The following SLC31A1 variants were observed in gnomAD, a reference collection of about 807,000 sequenced individuals.
The protein encoded by SLC31A1 is high affinity copper uptake protein 1.
In SLC31A1, 5 loss-of-function variants were observed where a neutral mutation model predicts 17.2. That is an observed-to-expected ratio of 0.29 (90% CI 0.15 to 0.61). The LOEUF (loss-of-function observed/expected upper bound fraction) is 0.61, where lower values mean the gene tolerates loss of function less well. Ranked by LOEUF, SLC31A1 falls within the 20% of genes least tolerant of loss-of-function variation. SLC31A1 has a pLI of 0.86. For synonymous variants in SLC31A1, 76 were observed against 78.8 expected, an observed-to-expected ratio of 0.96 and a Z score of 0.19; for missense variants, 161 against 241.4, an observed-to-expected ratio of 0.67 and a Z score of 2.21.
chr9:113,234,117 GT>G (rs1831428528), intron 1 of SLC31A1, among the ~76,000 whole-genome samples: 1 of 151,986 alleles, frequency 6.6e-6, no homozygotes, highest in Non-Finnish European at 1.5e-5. Flanking sequence ...TCTGGTGACT[GT>G]TCTACTCTCT....
intron 1 of SLC31A1, among the ~76,000 whole-genome samples, chr9:113,236,864 G>A (rs1831466031): frequency 6.6e-6 from 1 of 152,174 alleles, no homozygotes; most frequent in African/African-American, 2.4e-5. Flanking sequence ...GTGGGCTTCA[G>A]CCCACCAATT....
At chr9:113,253,040 G>A (rs1327591512) in intron 1 of SLC31A1, among the ~76,000 whole-genome samples, 3 of 142,176 alleles carry the variant, frequency 2.1e-5, no homozygotes, top group Non-Finnish European at 4.5e-5. Context: ...TGCAAGCTCC[G>A]CCTCCCGGGT....
Position 113,258,750 on chromosome 9 carries a change from A to C in SLC31A1, c.259A>C (p.Lys87Gln). 6.2e-7 allele frequency: 1 copy of C among 1,614,232 alleles called. No individual in the cohort carries two copies. The highest frequency in any genetic ancestry group is 2.2e-5 in the East Asian group (1 of 44,892). ...FLLAMFYEGL[K>Q]IARESLLRKS... Reference sequence around the variant, plus strand: ...ACTAGCAATGTTCTATGAAGGACTCAAGATAGCCCGAGAGAGCCTGCTGCG... The same window carrying C: ...ACTAGCAATGTTCTATGAAGGACTCCAGATAGCCCGAGAGAGCCTGCTGCG... Residue 87 changes from lysine (K) to glutamine (Q), a missense_variant, in exon 4 of 5, where the codon AAG becomes CAG. Coordinates refer to ENST00000374212, the MANE Select transcript of SLC31A1 (RefSeq NM_001859.4). The surrounding 1 kb of genome is among the most constrained non-coding windows in gnomAD (Gnocchi z 4.8).
chr9:113,229,372 C>CT (rs764637569), intron 1 of SLC31A1, among the ~76,000 whole-genome samples: 3 of 152,246 alleles, frequency 2.0e-5, no homozygotes, highest in South Asian at 4.1e-4. Context: ...TGAACATACT[C>CT]TGTTTCCTTT....
At chr9:113,230,417 C>T (rs777593972) in intron 1 of SLC31A1, among the ~76,000 whole-genome samples, 1 of 152,138 alleles carries the variant, frequency 6.6e-6, no homozygotes, top group Non-Finnish European at 1.5e-5. Flanking sequence ...ATCTCCACGC[C>T]TGGCTACTTT....
At chr9:113,256,475 AT>A in intron 2 of SLC31A1, 198 bp downstream of exon 2, 3 of 509,320 alleles carry the variant, frequency 5.9e-6, no homozygotes, top group Non-Finnish European at 3.4e-6. Flanking sequence ...CAGAACCAAG[AT>A]TTTAGGCTTC....
In SLC31A1 at chr9:113,257,120, C is replaced by G; in HGVS notation, c.137C>G (p.Thr46Ser). ...GTTTTGGTTTTCTGGCAGCCTATGA[C>G]CTTCTACTTTGGCTTTAAGAATGTG... ...GDSSMMMMPM[T>S]FYFGFKNVEL... is the part of the protein sequence containing the mutation. The change falls in exon 3 of 5, where the codon ACC (threonine) becomes AGC (serine). Residue 46 changes from threonine (T) to serine (S), a missense_variant. Thr to Ser is a moderately conservative substitution (Grantham distance 58). Coordinates refer to ENST00000374212, the MANE Select transcript of SLC31A1 (RefSeq NM_001859.4). The G allele has an allele frequency of 1.9e-6, 3 of 1,613,776 alleles. No individual in the cohort carries two copies. The South Asian group carries it at 3.3e-5, about 18-fold the overall frequency.
At chr9:113,257,286 T>C (rs1831738910) in intron 3 of SLC31A1, 101 bp downstream of exon 3, 1 of 994,562 alleles carries the variant, frequency 1.0e-6, no homozygotes, top group Non-Finnish European at 1.6e-6. Flanking sequence ...AATTACTAAG[T>C]CAACATGGTA....
chr9:113,250,568 A>G (rs1208226565), intron 1 of SLC31A1, among the ~76,000 whole-genome samples: 1 of 150,214 alleles, frequency 6.7e-6, no homozygotes, highest in Admixed American at 6.7e-5. Context: ...TGGGAGATAT[A>G]CCTAATGCTA....
In SLC31A1 at chr9:113,262,363, G is replaced by C. The variant is rs1230739382; in HGVS notation, c.*1890G>C. On this transcript the variant is annotated 3_prime_UTR_variant, in exon 5 of 5. Transcript: ENST00000374212. Reference sequence around the variant, plus strand: ...AGTCTACACTGCAGTCTTATTCCTGGTTCAAACTACCTCTTTAAATTGATT... The same window carrying C: ...AGTCTACACTGCAGTCTTATTCCTGCTTCAAACTACCTCTTTAAATTGATT... 1.3e-5 allele frequency: 2 copies of C among 152,616 alleles called. No homozygotes were observed. Among genetic ancestry groups the C allele is most frequent in the Non-Finnish European group, 2.9e-5 (2 of 68,042 alleles). 9.5% of individuals were successfully genotyped at this position (152,616 alleles called of 1,614,324 possible).
rs531641341 is a variant in SLC31A1 at position 113,239,740 on chromosome 9, C to T, written c.-35-16374C>T. 1.7e-3 allele frequency among the ~76,000 whole-genome samples: 256 copies of T among 152,322 alleles called. 1 individual carries two copies. Among genetic ancestry groups the T allele is most frequent in the African/African-American group, 5.5e-3 (229 of 41,580 alleles). On this transcript the variant is annotated intron_variant, in intron 1 of 4. Transcript: ENST00000374212. Reference sequence around the variant, plus strand: ...CTGGGAGTACAGGCATGCGCCACCACGCCCAGCTAACTTTTGTATTTTTAG... The same window carrying T: ...CTGGGAGTACAGGCATGCGCCACCATGCCCAGCTAACTTTTGTATTTTTAG...
chr9:113,252,954 C>CTTTTTTT (rs369221979), intron 1 of SLC31A1, among the ~76,000 whole-genome samples: 4 of 105,506 alleles, frequency 3.8e-5, no homozygotes, highest in African/African-American at 4.0e-5. Context: ...TTCTTTTTTT[C>CTTTTTTT]TTTTTTTTTT....
chr9:113,251,754 A>T (rs1439678024), intron 1 of SLC31A1, among the ~76,000 whole-genome samples: 1 of 152,354 alleles, frequency 6.6e-6, no homozygotes, highest in African/African-American at 2.4e-5. Flanking sequence ...TGTAAGTTTT[A>T]ACTTTTTTGA....
chr9:113,235,583 A>C (rs1831448583), intron 1 of SLC31A1, among the ~76,000 whole-genome samples: 1 of 152,220 alleles, frequency 6.6e-6, no homozygotes, highest in Non-Finnish European at 1.5e-5. Flanking sequence ...CATTTATATA[A>C]ATTTCAAAAT....
intron 1 of SLC31A1, among the ~76,000 whole-genome samples, chr9:113,238,319 A>T (rs1481208415): frequency 6.6e-6 from 1 of 152,220 alleles, no homozygotes; most frequent in African/African-American, 2.4e-5. Flanking sequence ...ACAAAGAATT[A>T]TCCAGTCCAA....
chr9:113,244,175 A>G (rs1318571750), intron 1 of SLC31A1, among the ~76,000 whole-genome samples: 1 of 151,476 alleles, frequency 6.6e-6, no homozygotes, highest in Non-Finnish European at 1.5e-5. Context: ...AAAAAAAAAA[A>G]AAAAGGCTAT....
rs534531129 is a variant in SLC31A1, at chr9:113,254,857, C to G, written c.-35-1257C>G. ...GAGGTTGCAGTGAGCCGAGATCACA[C>G]CACTGCACTCCAGCCTGGGCAACCA... On this transcript the variant is annotated intron_variant, in intron 1 of 4. Coordinates refer to ENST00000374212, the MANE Select transcript of SLC31A1 (RefSeq NM_001859.4). 4.6e-5 allele frequency among the ~76,000 whole-genome samples: 7 copies of G among 152,256 alleles called. No individual in the cohort carries two copies. In the East Asian group the frequency reaches 9.6e-4, roughly 21 times the overall value.
At chr9:113,233,341 G>GT (rs1391007244) in intron 1 of SLC31A1, among the ~76,000 whole-genome samples, 4 of 152,092 alleles carry the variant, frequency 2.6e-5, no homozygotes, top group Non-Finnish European at 5.9e-5. Context: ...TCCTCCTTGT[G>GT]TTTTTTTGTT....
chr9:113,223,292 C>G (rs942349427), intron 1 of SLC31A1: 12 of 444,592 alleles, frequency 2.7e-5, no homozygotes, highest in Non-Finnish European at 1.8e-5. Flanking sequence ...GATGGTGAGT[C>G]TTGCCAGGCT....
Sources: allele counts gnomAD v4.1 joint callset (sites outside exome capture counted in the v4.1 genomes callset), GRCh38; gene constraint gnomAD v4.1.1; non-coding constraint Gnocchi (gnomAD v3.1); transcripts MANE v1.5; gene names NCBI Gene and HGNC (gene_info 2026-07-23, HGNC 2026-07-21).